CFAP299: variants seen among roughly 807,000 people sequenced by gnomAD.
The protein encoded by CFAP299 is cilia and flagella associated protein 299.
A neutral mutation model predicts 27.0 loss-of-function variants in CFAP299; 21 were observed. The observed-to-expected ratio is 0.78, with a 90% CI of 0.55 to 1.12. The LOEUF is 1.12. Among genes scored for constraint, CFAP299 ranks in the 50% most tolerant of loss-of-function variants. The pLI is 0.00. For missense variants in CFAP299, 310 were observed against 276.6 expected (o/e 1.12, Z -0.86); for synonymous variants, 104 against 98.1 (o/e 1.06, Z -0.36).
At chr4:80,491,673 T>C (rs1692958461) in intron 2 of CFAP299, among the ~76,000 whole-genome samples, 1 of 152,182 alleles carries the variant, frequency 6.6e-6, no homozygotes, top group Non-Finnish European at 1.5e-5. Context: ...AGTCATGCCC[T>C]ATAAATCAGA....
intron 3 of CFAP299, among the ~76,000 whole-genome samples, chr4:80,855,735 C>T (rs1055375430): frequency 1.3e-5 from 2 of 152,186 alleles, no homozygotes; most frequent in African/African-American, 2.4e-5. Context: ...AGGACATGAA[C>T]TCATCATTTT....
chr4:80,393,005 C>T (rs562138116), intron 2 of CFAP299, among the ~76,000 whole-genome samples: 1 of 152,188 alleles, frequency 6.6e-6, no homozygotes, highest in South Asian at 2.1e-4. Context: ...GCTGTTATTA[C>T]CCCTGAAGAC....
At chr4:80,335,234 C>A (rs971024632), upstream of CFAP299, among the ~76,000 whole-genome samples, 7 of 152,116 alleles carry the variant, frequency 4.6e-5, no homozygotes, top group African/African-American at 1.4e-4. Flanking sequence ...GAGTTTCTTT[C>A]CTTTGGGAAT....
At chr4:80,470,410 G>A (rs1578481545) in intron 2 of CFAP299, among the ~76,000 whole-genome samples, 2 of 152,090 alleles carry the variant, frequency 1.3e-5, no homozygotes, top group East Asian at 3.9e-4. Context: ...ACAGTCTAGG[G>A]CAATATTTTA....
intron 2 of CFAP299, among the ~76,000 whole-genome samples, chr4:80,458,923 G>A (rs1025409589): frequency 1.3e-5 from 2 of 151,934 alleles, no homozygotes; most frequent in African/African-American, 4.8e-5. Flanking sequence ...CAGCAAGCCT[G>A]GTTGAGACAA....
chr4:80,553,872 T>G (rs998243432), intron 2 of CFAP299, among the ~76,000 whole-genome samples: 8 of 152,062 alleles, frequency 5.3e-5, no homozygotes, highest in Non-Finnish European at 7.3e-5. Flanking sequence ...TTTAAGTTCC[T>G]TATAGATGCT....
In CFAP299 at chr4:80,886,618, C is replaced by G. The variant is rs1733985114; in HGVS notation, c.476+16483C>G. 2.6e-5 allele frequency among the ~76,000 whole-genome samples: 4 copies of G among 152,130 alleles called. No individual in the cohort carries two copies. The South Asian group carries it at 8.3e-4, about 31-fold the overall frequency. Reference sequence around the variant, plus strand: ...CCTTCCCAAAGAGGACAAGCACAAACAAGCCCAGACTATGAAGACAACAAT... The same window carrying G: ...CCTTCCCAAAGAGGACAAGCACAAAGAAGCCCAGACTATGAAGACAACAAT... On this transcript the variant is annotated intron_variant, in intron 4 of 5. Transcript: ENST00000358105.
chr4:80,753,461 G>GT (rs1165193956), intron 3 of CFAP299, among the ~76,000 whole-genome samples: 2 of 151,902 alleles, frequency 1.3e-5, no homozygotes, highest in Non-Finnish European at 2.9e-5. Flanking sequence ...TATGATATTG[G>GT]TTTTTTGTTT....
intron 4 of CFAP299, among the ~76,000 whole-genome samples, chr4:80,903,464 A>G (rs1704785953): frequency 6.6e-6 from 1 of 152,052 alleles, no homozygotes; most frequent in Non-Finnish European, 1.5e-5. Context: ...TTCTAATTAT[A>G]AAGACAACCT....
chr4:80,719,747 G>C (rs1198345077), intron 3 of CFAP299, among the ~76,000 whole-genome samples: 1 of 152,158 alleles, frequency 6.6e-6, no homozygotes, highest in Non-Finnish European at 1.5e-5. Flanking sequence ...TCACTGGACT[G>C]TTTGTGAGAT....
chr4:80,731,292 G>C (rs1005879246), intron 3 of CFAP299, among the ~76,000 whole-genome samples: 4 of 152,156 alleles, frequency 2.6e-5, no homozygotes, highest in African/African-American at 9.7e-5. Context: ...TGTTAACTTA[G>C]AATATGTGAG....
At chr4:80,386,793 G>A (rs1725033258) in intron 2 of CFAP299, 3 of 1,129,370 alleles carry the variant, frequency 2.7e-6, no homozygotes, top group South Asian at 2.5e-5. Flanking sequence ...CAGCTTGTGT[G>A]CGTCGATAAA....
chr4:80,611,347 G>T (rs1374173179), intron 3 of CFAP299, among the ~76,000 whole-genome samples: 2 of 152,020 alleles, frequency 1.3e-5, no homozygotes, highest in Non-Finnish European at 2.9e-5. Context: ...GGACATGTGG[G>T]AATGCTGGGC....
intron 3 of CFAP299, among the ~76,000 whole-genome samples, chr4:80,652,728 G>A (rs965659650): frequency 2.0e-5 from 3 of 151,886 alleles, no homozygotes; most frequent in Non-Finnish European, 4.4e-5. Context: ...TCATGTCTCT[G>A]TGCTGCCTCT....
chr4:80,496,783 G>GCTATA (rs1182451027), intron 2 of CFAP299, among the ~76,000 whole-genome samples: 2 of 152,230 alleles, frequency 1.3e-5, no homozygotes, highest in African/African-American at 2.4e-5. Context: ...CATTCCACAG[G>GCTATA]CTATACAGGA....
chr4:80,828,191 G>A (rs1253138821), intron 3 of CFAP299, among the ~76,000 whole-genome samples: 4 of 151,662 alleles, frequency 2.6e-5, no homozygotes, highest in Non-Finnish European at 4.4e-5. Context: ...AAATAGAAAA[G>A]TCCTTTCTGA....
intron 3 of CFAP299, among the ~76,000 whole-genome samples, chr4:80,842,362 T>C (rs1202299305): frequency 6.6e-6 from 1 of 152,138 alleles, no homozygotes. Flanking sequence ...AGTAGGAGAA[T>C]GGCACTAGAG....
intron 2 of CFAP299, among the ~76,000 whole-genome samples, chr4:80,524,561 C>A (rs1377371058): frequency 6.6e-6 from 1 of 151,958 alleles, no homozygotes; most frequent in African/African-American, 2.4e-5. Context: ...GAGCTTTAGG[C>A]CCATATGTAT....
At chr4:80,787,556 T>C (rs565014357) in intron 3 of CFAP299, among the ~76,000 whole-genome samples, 1 of 152,026 alleles carries the variant, frequency 6.6e-6, no homozygotes, top group South Asian at 2.1e-4. Context: ...CCAAAGAGCA[T>C]CCTGAGGAAG....
Sources: allele counts gnomAD v4.1 joint callset (sites outside exome capture counted in the v4.1 genomes callset), GRCh38; gene constraint gnomAD v4.1.1; transcripts MANE v1.5; gene names NCBI Gene and HGNC (gene_info 2026-07-23, HGNC 2026-07-21).